LRRIQ3: variants seen among roughly 807,000 people sequenced by gnomAD.
The protein encoded by LRRIQ3 is leucine rich repeats and IQ motif containing 3, also known as leucine-rich repeat and IQ domain-containing protein 3.
In LRRIQ3, 75 loss-of-function variants were observed where a neutral mutation model predicts 59.3. The ratio of observed to expected loss-of-function variants is 1.26; its 90% CI spans 1.05 to 1.53. The LOEUF is 1.53. LRRIQ3 is among the 40% of genes most tolerant of loss of function. The pLI is 0.00. For missense variants in LRRIQ3, 831 were observed against 710.0 expected (o/e 1.17, Z -1.94); for synonymous variants, 250 against 231.3 (o/e 1.08, Z -0.73).
chr1:74,197,810 G>A, intron 1 of LRRIQ3, among the ~76,000 whole-genome samples, 186 bp downstream of exon 1: 1 of 152,204 alleles, frequency 6.6e-6, no homozygotes, highest in East Asian at 1.9e-4. Flanking sequence ...GCCCGGGGTG[G>A]CGGGGGAAAG....
chr1:74,066,180 C>T (rs892294099), intron 6 of LRRIQ3, among the ~76,000 whole-genome samples: 1 of 130,356 alleles, frequency 7.7e-6, no homozygotes, highest in African/African-American at 2.8e-5. Context: ...GAGAGAAACT[C>T]TGTCTCGAAA....
chr1:74,088,343 A>C (rs1323171701), intron 5 of LRRIQ3, among the ~76,000 whole-genome samples: 2 of 152,134 alleles, frequency 1.3e-5, no homozygotes, highest in African/African-American at 4.8e-5. Context: ...TTTTAGGATA[A>C]TAGATTTAAA....
At chr1:74,178,537 T>C (rs1460981065) in intron 3 of LRRIQ3, among the ~76,000 whole-genome samples, 2 of 152,172 alleles carry the variant, frequency 1.3e-5, no homozygotes, top group African/African-American at 4.8e-5. Context: ...AAAGAACAAA[T>C]GGATGCTAAA....
intron 4 of LRRIQ3, among the ~76,000 whole-genome samples, chr1:74,124,825 T>C (rs998188661): frequency 6.6e-6 from 1 of 152,010 alleles, no homozygotes; most frequent in Non-Finnish European, 1.5e-5. Context: ...TTGGTCAAGC[T>C]GACTTTGGCT....
intron 3 of LRRIQ3, among the ~76,000 whole-genome samples, chr1:74,165,104 C>T (rs1428370728): frequency 6.6e-6 from 1 of 151,408 alleles, no homozygotes; most frequent in African/African-American, 2.4e-5. Flanking sequence ...ATGCATCCCA[C>T]TTTTTTCTTG....
intron 5 of LRRIQ3, among the ~76,000 whole-genome samples, chr1:74,090,715 TA>T (rs553539644): frequency 2.7e-5 from 4 of 150,110 alleles, no homozygotes; most frequent in African/African-American, 4.9e-5. Flanking sequence ...ACCTTGTCTC[TA>T]AAAAAAAAGT....
intron 6 of LRRIQ3, 71 bp downstream of exon 6, chr1:74,074,590 T>C: frequency 1.4e-6 from 1 of 716,212 alleles, no homozygotes; most frequent in Non-Finnish European, 2.0e-6. Flanking sequence ...ACATGCCCAA[T>C]TTCTAATTAT....
intron 4 of LRRIQ3, among the ~76,000 whole-genome samples, chr1:74,114,380 T>A (rs1646749068): frequency 6.6e-6 from 1 of 152,060 alleles, no homozygotes; most frequent in Admixed American, 6.6e-5. Flanking sequence ...AAGTAATGTC[T>A]CCAAATCTCA....
In LRRIQ3 at chr1:74,026,796, T is replaced by A. The variant is rs1014116276; in HGVS notation, c.*17A>T. The A allele has an allele frequency of 2.5e-6, 4 of 1,580,520 alleles. No homozygotes were observed. The African/African-American group carries it at 5.5e-5, about 22-fold the overall frequency. ...ACTATAATTTAAGATGATCATAGGA[T>A]GTGATCTGGCATTGATTCATTTTAT... On this transcript the variant is annotated 3_prime_UTR_variant, in exon 8 of 8. Transcript: ENST00000354431.
chr1:74,051,746 C>T (rs920173430), intron 6 of LRRIQ3, among the ~76,000 whole-genome samples: 60 of 152,270 alleles, frequency 3.9e-4, no homozygotes, highest in African/African-American at 1.4e-3. Flanking sequence ...AATGCAATCA[C>T]ACAATATGTG....
chr1:74,177,722 T>C (rs998830259), intron 3 of LRRIQ3, among the ~76,000 whole-genome samples: 1 of 151,946 alleles, frequency 6.6e-6, no homozygotes, highest in African/African-American at 2.4e-5. Flanking sequence ...GGAATTAATA[T>C]GTTTATTACA....
chr1:74,191,846 A>G (rs1057448585), intron 1 of LRRIQ3, among the ~76,000 whole-genome samples: 1 of 152,142 alleles, frequency 6.6e-6, no homozygotes, highest in Non-Finnish European at 1.5e-5. Context: ...TCTAAAATGA[A>G]TCATATAAGC....
chr1:74,030,747 C>T (rs1166309764), intron 7 of LRRIQ3, among the ~76,000 whole-genome samples: 11 of 152,192 alleles, frequency 7.2e-5, no homozygotes, highest in Admixed American at 3.9e-4. Context: ...CAACAAAAGC[C>T]GAAATTGACA....
chr1:74,145,051 T>G (rs1390459812), intron 4 of LRRIQ3, among the ~76,000 whole-genome samples: 3 of 152,130 alleles, frequency 2.0e-5, no homozygotes, highest in Non-Finnish European at 1.5e-5. Context: ...TAATGTACAT[T>G]TAGTAGAGGT....
intron 7 of LRRIQ3, among the ~76,000 whole-genome samples, chr1:74,040,720 A>G (rs1226097754): frequency 1.3e-5 from 2 of 152,250 alleles, no homozygotes; most frequent in Non-Finnish European, 2.9e-5. Flanking sequence ...TAAGGCAGAA[A>G]TCAGTGTTAT....
At chr1:74,086,379 T>A (rs1054688641) in intron 5 of LRRIQ3, among the ~76,000 whole-genome samples, 2 of 152,100 alleles carry the variant, frequency 1.3e-5, no homozygotes, top group Non-Finnish European at 2.9e-5. Flanking sequence ...CTGGTCCAAT[T>A]TCAATGTTGC....
rs1001156698 is a variant in LRRIQ3 at position 74,183,665 on chromosome 1, G to C, written c.20C>G (p.Thr7Arg). 6.3e-7 allele frequency: 1 copy of C among 1,585,042 alleles called. No individual in the cohort carries two copies. Among genetic ancestry groups the C allele is most frequent in the Non-Finnish European group, 8.6e-7 (1 of 1,167,358 alleles). The change falls in exon 2 of 8, where the codon ACA becomes AGA. Residue 7 changes from threonine to arginine, a missense_variant. Physicochemically the swap from Thr to Arg is moderately conservative, Grantham distance 71. Transcript: ENST00000354431. Reference protein sequence around the residue: MFHGTVTEELTSHEEWS... With the variant: MFHGTVREELTSHEEWS... ...TTCTTCATGACTGGTTAGCTCTTCT[G>C]TGACTGTTCCATGAAACATCTAGGA... is the stretch of plus-strand genomic sequence containing the variant.
chr1:74,126,207 A>G (rs1646933974), intron 4 of LRRIQ3, among the ~76,000 whole-genome samples: 1 of 151,702 alleles, frequency 6.6e-6, no homozygotes, highest in South Asian at 2.1e-4. Context: ...TGTCTCTACT[A>G]TCATCTCTGA....
chr1:74,034,182 T>C (rs1653802035), intron 7 of LRRIQ3, among the ~76,000 whole-genome samples: 1 of 152,008 alleles, frequency 6.6e-6, no homozygotes, highest in African/African-American at 2.4e-5. Context: ...GTCAAGAGAA[T>C]AAAGAATCAT....
Sources: allele counts gnomAD v4.1 joint callset (sites outside exome capture counted in the v4.1 genomes callset), GRCh38; gene constraint gnomAD v4.1.1; transcripts MANE v1.5; gene names NCBI Gene and HGNC (gene_info 2026-07-23, HGNC 2026-07-21).